The following KIF24 variants were observed in gnomAD, a reference collection of about 807,000 sequenced individuals.
The protein encoded by KIF24 is kinesin family member 24, also known as kinesin-like protein KIF24.
In KIF24, 81 loss-of-function variants were observed where a neutral mutation model predicts 118.9. The ratio of observed to expected loss-of-function variants is 0.68; its 90% CI spans 0.57 to 0.82. The LOEUF (loss-of-function observed/expected upper bound fraction) is 0.82, where lower values mean the gene tolerates loss of function less well. Among genes scored for constraint, KIF24 ranks in the 40% least tolerant of loss-of-function variants. The probability of loss-of-function intolerance (pLI) is 0.00; values close to 1 mark genes in which losing one functional copy is unlikely to be tolerated. For missense variants in KIF24, 1,560 were observed against 1,661.6 expected, an observed-to-expected ratio of 0.94 and a Z score of 1.06; for synonymous variants, 599 against 610.0, an observed-to-expected ratio of 0.98 and a Z score of 0.27.
At chr9:34,277,653 G>A (rs1161661375) in intron 6 of KIF24, among the ~76,000 whole-genome samples, 2 of 152,174 alleles carry the variant, frequency 1.3e-5, no homozygotes, top group African/African-American at 4.8e-5. Flanking sequence ...AACATGTTGA[G>A]ATGCCCTTTC....
intron 3 of KIF24, among the ~76,000 whole-genome samples, chr9:34,299,041 T>C (rs1426879629): frequency 6.6e-6 from 1 of 152,108 alleles, no homozygotes; most frequent in African/African-American, 2.4e-5. Flanking sequence ...TACATATATA[T>C]ATGTATGAAT....
At chr9:34,306,192 G>T in intron 3 of KIF24, 60 bp downstream of exon 3, 1 of 1,208,774 alleles carries the variant, frequency 8.3e-7, no homozygotes, top group Non-Finnish European at 1.2e-6. Context: ...CAAACAAAAA[G>T]CAAAAAAAAA....
rs764765032 is a variant in KIF24, at chr9:34,310,766, T to C, written c.581A>G (p.His194Arg). ...GATTCCATAGTTATACCCTGAAACA[T>C]GAGAGATTCTTTGAATAATGGGAAT... Reference protein sequence around the residue: ...CDIPIIQRISHVSGYNYGIPH... With the variant: ...CDIPIIQRISRVSGYNYGIPH... Residue 194 changes from histidine to arginine, a missense_variant, in exon 2 of 13, where the codon CAT (histidine) becomes CGT (arginine). Around this residue, in one of 3 missense-constraint regions of KIF24, gnomAD observed 964 missense variants for 988.0 expected, o/e 0.98. Coordinates refer to ENST00000402558, the MANE Select transcript of KIF24 (RefSeq NM_194313.4). 22 of 1,610,758 alleles carry C rather than the reference T, an allele frequency of 1.4e-5. No homozygotes were observed. The highest frequency in any genetic ancestry group is 1.7e-5 in the Non-Finnish European group (20 of 1,177,816).
At chr9:34,332,512 G>A (rs532154505), upstream of KIF24, among the ~76,000 whole-genome samples, 3 of 152,230 alleles carry the variant, frequency 2.0e-5, no homozygotes, top group African/African-American at 4.8e-5. Flanking sequence ...CATGGGATAC[G>A]CACAACAGAC....
intron 3 of KIF24, among the ~76,000 whole-genome samples, chr9:34,301,985 G>A: frequency 9.7e-6 from 1 of 103,494 alleles, no homozygotes; most frequent in South Asian, 4.1e-4. Flanking sequence ...TTCTATATAT[G>A]TATTTTTTTT....
chr9:34,266,376 G>A (rs906067277), intron 8 of KIF24, among the ~76,000 whole-genome samples: 3 of 151,882 alleles, frequency 2.0e-5, no homozygotes, highest in Non-Finnish European at 4.4e-5. Flanking sequence ...CACCATTTCC[G>A]TCTCAAAAAA....
intron 4 of KIF24, among the ~76,000 whole-genome samples, chr9:34,292,747 C>T (rs1050403659): frequency 6.6e-6 from 1 of 152,162 alleles, no homozygotes; most frequent in East Asian, 1.9e-4. Flanking sequence ...CCCTGGCTCC[C>T]AGCAGTGTGG....
At chr9:34,271,995 T>C in intron 6 of KIF24, 65 bp from the exon 7 acceptor site, 13 of 1,486,612 alleles carry the variant, frequency 8.7e-6, no homozygotes, top group South Asian at 3.9e-5. Flanking sequence ...CTACTAAGAG[T>C]TGGCTAAGAG....
At chr9:34,265,028 T>G (rs1324061080) in intron 8 of KIF24, among the ~76,000 whole-genome samples, 11 of 151,844 alleles carry the variant, frequency 7.2e-5, no homozygotes. Flanking sequence ...AAGGGGTGAG[T>G]GCAAACATAT....
At chr9:34,295,439 G>C (rs1363632128) in intron 4 of KIF24, among the ~76,000 whole-genome samples, 2 of 152,164 alleles carry the variant, frequency 1.3e-5, no homozygotes, top group Non-Finnish European at 2.9e-5. Flanking sequence ...CACTTTGGGA[G>C]ACTGAAGCAG....
chr9:34,325,967 C>T (rs538222730), intron 1 of KIF24, among the ~76,000 whole-genome samples: 49 of 152,120 alleles, frequency 3.2e-4, no homozygotes, highest in Non-Finnish European at 5.3e-4. Flanking sequence ...GGTTACAGTT[C>T]CAAGAGGAAA....
intron 1 of KIF24, chr9:34,319,586 G>A: frequency 9.8e-7 from 1 of 1,020,880 alleles, no homozygotes; most frequent in Non-Finnish European, 1.5e-6. Flanking sequence ...GGGACACCCA[G>A]AGCGGCTCCC....
At chr9:34,288,172 C>T (rs1387386201) in intron 5 of KIF24, among the ~76,000 whole-genome samples, 1 of 151,614 alleles carries the variant, frequency 6.6e-6, no homozygotes, top group African/African-American at 2.4e-5. Flanking sequence ...CAAAGCCCCA[C>T]TATTATAGAA....
intron 5 of KIF24, among the ~76,000 whole-genome samples, chr9:34,289,215 C>T (rs898011580): frequency 6.6e-6 from 1 of 152,132 alleles, no homozygotes; most frequent in African/African-American, 2.4e-5. Context: ...GCTGGCTTCT[C>T]CAGTTATGCT....
At chr9:34,296,136 G>A (rs1260918188) in intron 4 of KIF24, among the ~76,000 whole-genome samples, 1 of 149,490 alleles carries the variant, frequency 6.7e-6, no homozygotes, top group Non-Finnish European at 1.5e-5. Flanking sequence ...GGAGAATGGC[G>A]TGAACCCGGG....
Position 34,328,931 on chromosome 9 carries a change from A to C in KIF24, c.-26+175T>G, listed in dbSNP as rs775867340. ...GAAAAGGCAGAGATATGGGGATGAA[A>C]GATAGGAAAGTAGGTGAACTTTAGG... On this transcript the variant is annotated intron_variant, in intron 1 of 12. Coordinates refer to ENST00000402558, the MANE Select transcript of KIF24 (RefSeq NM_194313.4). Among the ~76,000 whole-genome samples the C allele has an allele frequency of 2.0e-5, 3 of 152,198 alleles. No individual in the cohort carries two copies. In the East Asian group the frequency reaches 5.8e-4, roughly 29 times the overall value.
rs754768786 is a variant in KIF24 at position 34,256,726 on chromosome 9, T to C, written c.2881A>G (p.Arg961Gly). 5 of 1,613,776 alleles carry C rather than the reference T, an allele frequency of 3.1e-6. No homozygotes were observed. Among genetic ancestry groups the C allele is most frequent in the South Asian group, 2.2e-5 (2 of 91,086 alleles). ...ERGGGSSFDL[R>G]KDASQSEVSG... ...ACCTCACTTTGGGAGGCATCCTTTC[T>C]GAGATCAAAGGAAGAGCCTCCACCT... The change falls in exon 11 of 13, where the codon AGA becomes GGA. Residue 961 changes from arginine to glycine, a missense_variant. Around this residue, in one of 3 missense-constraint regions of KIF24, gnomAD observed 591 missense variants for 655.6 expected, o/e 0.90. Transcript: ENST00000402558.
chr9:34,311,775 T>C (rs1837176757), intron 1 of KIF24, among the ~76,000 whole-genome samples: 1 of 149,350 alleles, frequency 6.7e-6, no homozygotes, highest in Non-Finnish European at 1.5e-5. Context: ...TACATATATA[T>C]ACACATATAT....
At chr9:34,262,320 T>C (rs1835084940) in intron 9 of KIF24, among the ~76,000 whole-genome samples, 1 of 152,038 alleles carries the variant, frequency 6.6e-6, no homozygotes, top group African/African-American at 2.4e-5. Flanking sequence ...ATCCTGAAGA[T>C]ATCCCTGCCT....
Sources: gnomAD v4.1 joint callset for allele counts (sites outside exome capture counted in the v4.1 genomes callset) on GRCh38, gnomAD v4.1.1 for gene constraint, gnomAD v4.1.1 regional missense constraint, MANE v1.5 for transcripts, NCBI Gene and HGNC (gene_info 2026-07-23, HGNC 2026-07-21) for gene names.